Variants in BAHD1 observed in about 807,000 individuals in gnomAD.
BAHD1 encodes bromo adjacent homology domain-containing 1 protein.
Under a neutral mutation model 63.1 loss-of-function variants are expected in BAHD1, and 20 were observed. The observed-to-expected ratio is 0.32, with a 90% confidence interval of 0.22 to 0.46. BAHD1 has a LOEUF of 0.46. Among genes scored for constraint, BAHD1 ranks in the 20% least tolerant of loss-of-function variants. The pLI is 1.00. For missense variants in BAHD1, 939 were observed against 1,071.8 expected (o/e 0.88, Z 1.73); for synonymous variants, 408 against 426.8 (o/e 0.96, Z 0.54).
intron 5 of BAHD1, 160 bp from the exon 6 acceptor site, chr15:40,465,175 C>G (rs1894166123): frequency 1.6e-6 from 1 of 639,950 alleles, no homozygotes; most frequent in African/African-American, 1.8e-5. Context: ...GGAGGAATGC[C>G]TGGAGGCAGT....
upstream of BAHD1, among the ~76,000 whole-genome samples, chr15:40,439,069 T>C (rs767812162): frequency 3.9e-5 from 6 of 152,046 alleles, no homozygotes; most frequent in Admixed American, 6.5e-5. Context: ...CTGGTGTGTG[T>C]TGGGGGGGCG....
rs1367290084 is a variant in BAHD1 at position 40,455,281 on chromosome 15, C to T, written c.-14-3170C>T. ...CTGTGATTCAGACGCTTCCTGGGATCGTCAGCACCCTACCCCCCAGGGGAG... is the reference window on the plus strand; with the variant it reads ...CTGTGATTCAGACGCTTCCTGGGATTGTCAGCACCCTACCCCCCAGGGGAG... On this transcript the variant is annotated intron_variant, in intron 1 of 6. Coordinates refer to ENST00000416165, the MANE Select transcript of BAHD1 (RefSeq NM_014952.5). Among the ~76,000 whole-genome samples, 8 of 152,132 alleles carry T rather than the reference C, an allele frequency of 5.3e-5. No individual in the cohort carries two copies. The East Asian group carries it at 1.3e-3, about 26-fold the overall frequency.
At chr15:40,465,708 G>A (rs1894179892) in intron 6 of BAHD1, among the ~76,000 whole-genome samples, 2 of 152,206 alleles carry the variant, frequency 1.3e-5, no homozygotes, top group Non-Finnish European at 2.9e-5. Context: ...AAATTTAGGC[G>A]AATTGGCAGG....
chr15:40,451,608 C>G (rs1393021446), intron 1 of BAHD1, among the ~76,000 whole-genome samples: 1 of 152,136 alleles, frequency 6.6e-6, no homozygotes, highest in Middle Eastern at 3.2e-3. Flanking sequence ...ACAAGGAAAC[C>G]AAGACTCAGA....
At position 40,459,906 on chromosome 15, in the gene BAHD1, C is replaced by T. The variant is rs776069267; in HGVS notation, c.1432+10C>T. 26 of 1,567,072 alleles carry T rather than the reference C, an allele frequency of 1.7e-5. No homozygotes were observed. Among genetic ancestry groups the T allele is most frequent in the African/African-American group, 1.6e-4 (12 of 74,158 alleles). ...ATGCCTTTTGCAGCAGGTGAGGCTT[C>T]CTGGGCCCAAGATGTACTGGGGAGT... is the stretch of plus-strand genomic sequence containing the variant. On this transcript the variant is annotated intron_variant, in intron 2 of 6. Transcript: ENST00000416165.
intron 1 of BAHD1, among the ~76,000 whole-genome samples, chr15:40,444,657 A>G (rs999987443): frequency 6.6e-6 from 1 of 152,144 alleles, no homozygotes; most frequent in Non-Finnish European, 1.5e-5. Context: ...TTATGGGGGC[A>G]TCACCAACAT....
chr15:40,448,759 C>CT (rs918147847), intron 1 of BAHD1, among the ~76,000 whole-genome samples: 7 of 151,940 alleles, frequency 4.6e-5, no homozygotes, highest in African/African-American at 1.7e-4. Flanking sequence ...GGTCTTTTAA[C>CT]TCCTGGCCTC....
chr15:40,451,197 T>TC (rs1034207147), intron 1 of BAHD1, among the ~76,000 whole-genome samples: 8 of 151,890 alleles, frequency 5.3e-5, no homozygotes, highest in Non-Finnish European at 1.0e-4. Flanking sequence ...TGTCACCCTT[T>TC]CCTGCATCCA....
chr15:40,451,269 G>A (rs559149828), intron 1 of BAHD1, among the ~76,000 whole-genome samples: 1 of 151,714 alleles, frequency 6.6e-6, no homozygotes. Context: ...TTGTTCCCAC[G>A]GTACACGTGG....
At chr15:40,464,127 G>A (rs1163947884) in intron 4 of BAHD1, 107 bp downstream of exon 4, 5 of 1,312,952 alleles carry the variant, frequency 3.8e-6, no homozygotes, top group Non-Finnish European at 5.3e-6. Flanking sequence ...GTCTCCCCGT[G>A]TTCCTGGCAC....
At position 40,458,157 on chromosome 15, in the gene BAHD1, C is replaced by T. The variant is rs1025193617; in HGVS notation, c.-14-294C>T. On this transcript the variant is annotated intron_variant, in intron 1 of 6. Coordinates refer to ENST00000416165, the MANE Select transcript of BAHD1 (RefSeq NM_014952.5). The surrounding 1 kb of genome is among the most constrained non-coding windows in gnomAD (Gnocchi z 4.7). ...CAAAGAGCTTTGCCACCAGCTCCTC[C>T]TATCCCCTGTCCCTGGGGTCTGCCT... is the stretch of plus-strand genomic sequence containing the variant. 4.6e-5 allele frequency among the ~76,000 whole-genome samples: 7 copies of T among 152,158 alleles called. No homozygotes were observed. Among genetic ancestry groups the T allele is most frequent in the African/African-American group, 1.4e-4 (6 of 41,430 alleles).
intron 1 of BAHD1, among the ~76,000 whole-genome samples, chr15:40,456,660 CAG>C (rs1893859402): frequency 3.3e-5 from 5 of 152,248 alleles, no homozygotes; most frequent in African/African-American, 9.6e-5. Context: ...TGGGAGCTAA[CAG>C]GGAAAGATTC....
rs1184757650 is a variant in BAHD1, at chr15:40,461,980, C to T, written c.1501C>T (p.His501Tyr). 6.2e-7 allele frequency: 1 copy of T among 1,612,696 alleles called. No individual in the cohort carries two copies. Among genetic ancestry groups the T allele is most frequent in the Non-Finnish European group, 8.5e-7 (1 of 1,179,060 alleles). ...AGCTGGCCACCCAGCCTCACCCGCC[C>T]ACCCACTCCTGGGGTGCCCTGTACC... is the stretch of plus-strand genomic sequence containing the variant. ...PEAGHPASPAHPLLGCPVPSV... is the reference protein window; with the variant it reads ...PEAGHPASPAYPLLGCPVPSV... Residue 501 changes from histidine (H) to tyrosine (Y), a missense_variant, in exon 3 of 7, where the codon CAC becomes TAC. His to Tyr is a moderately conservative substitution (Grantham distance 83, BLOSUM62 2). Transcript: ENST00000416165.
chr15:40,457,204 C>G (rs909387077), intron 1 of BAHD1, among the ~76,000 whole-genome samples: 3 of 152,230 alleles, frequency 2.0e-5, no homozygotes, highest in Admixed American at 2.0e-4. Flanking sequence ...TAGTGCTTCT[C>G]TTTGATACTT....
Position 40,459,728 on chromosome 15 carries a change from G to A in BAHD1, c.1264G>A (p.Val422Met). The A allele has an allele frequency of 6.2e-7, 1 of 1,614,002 alleles. No homozygotes were observed. Residue 422 changes from valine to methionine, a missense_variant, in exon 2 of 7, where the codon GTG becomes ATG. Physicochemically the swap from Val to Met is conservative, Grantham distance 21 (BLOSUM62 1). Transcript: ENST00000416165. ...GGGGCTCCTCTTAGCTCCGAGCTCA[G>A]TGCCCTCAGGCACCCCTTTCCAGCA... ...EEGLLLAPSS[V>M]PSGTPFQHPP...
At chr15:40,449,425 A>AT (rs1484475666) in intron 1 of BAHD1, among the ~76,000 whole-genome samples, 4 of 152,206 alleles carry the variant, frequency 2.6e-5, no homozygotes, top group African/African-American at 7.2e-5. Context: ...GTAGTACTAC[A>AT]TTCACTTGCT....
intron 1 of BAHD1, among the ~76,000 whole-genome samples, chr15:40,452,863 A>AC (rs1893746111): frequency 1.3e-5 from 2 of 152,064 alleles, no homozygotes; most frequent in South Asian, 2.1e-4. Context: ...TGTAAACTGA[A>AC]CCCCCCACAA....
chr15:40,464,382 G>A (rs1332315792), intron 4 of BAHD1, 89 bp from the exon 5 acceptor site: 4 of 1,166,278 alleles, frequency 3.4e-6, no homozygotes, highest in Non-Finnish European at 5.0e-6. Context: ...GAGGTTGGAT[G>A]AACCTCCAGG....
intron 1 of BAHD1, among the ~76,000 whole-genome samples, chr15:40,444,007 C>T (rs184898467): frequency 7.2e-5 from 11 of 152,294 alleles, no homozygotes; most frequent in African/African-American, 2.4e-4. Context: ...TAGTCATCCC[C>T]GCCTGAGCTC....
Sources: gnomAD v4.1 joint callset for allele counts (sites outside exome capture counted in the v4.1 genomes callset) on GRCh38, gnomAD v4.1.1 for gene constraint, Gnocchi (gnomAD v3.1) non-coding constraint, MANE v1.5 for transcripts, NCBI Gene and HGNC (gene_info 2026-07-23, HGNC 2026-07-21) for gene names.